The following PTGFR variants were observed in gnomAD, a reference collection of about 807,000 sequenced individuals.
The protein encoded by PTGFR is prostaglandin F2-alpha receptor.
In PTGFR, 15 loss-of-function variants were observed where a neutral mutation model predicts 26.2. The ratio of observed to expected loss-of-function variants is 0.57; its 90% CI spans 0.38 to 0.88. The LOEUF (loss-of-function observed/expected upper bound fraction) is 0.88, where lower values mean the gene tolerates loss of function less well. Among genes scored for constraint, PTGFR ranks in the 40% least tolerant of loss-of-function variants. The pLI is 0.00. For synonymous variants in PTGFR, 165 were observed against 151.1 expected, an observed-to-expected ratio of 1.09 and a Z score of -0.68; for missense variants, 369 against 427.2, an observed-to-expected ratio of 0.86 and a Z score of 1.20.
chr1:78,517,870 A>C (rs960140529), intron 2 of PTGFR, among the ~76,000 whole-genome samples: 1 of 152,194 alleles, frequency 6.6e-6, no homozygotes, highest in Non-Finnish European at 1.5e-5. Flanking sequence ...TATAGCAGAA[A>C]GTTTTATTTC....
chr1:78,502,860 A>AAGAG (rs942257460), intron 2 of PTGFR, among the ~76,000 whole-genome samples: 100 of 152,294 alleles, frequency 6.6e-4, no homozygotes, highest in African/African-American at 2.4e-3. Context: ...ATAAGATAAA[A>AAGAG]AGAGAAGAGA....
rs116084204 is a variant in PTGFR, at chr1:78,517,597, G to C, written c.799-18809G>C. On this transcript the variant is annotated intron_variant, in intron 2 of 2. Coordinates refer to ENST00000370757, the MANE Select transcript of PTGFR (RefSeq NM_000959.4). ...AATCCAGCACAAAAACCCAATAGCAGGGATGAGCTTCTTGTGATGAGGAAC... is the reference window on the plus strand; with the variant it reads ...AATCCAGCACAAAAACCCAATAGCACGGATGAGCTTCTTGTGATGAGGAAC... Among the ~76,000 whole-genome samples the C allele has an allele frequency of 2.9e-3, 448 of 152,232 alleles. 3 individuals carry two copies. The highest frequency in any genetic ancestry group is 0.011 in the African/African-American group (438 of 41,550).
At chr1:78,517,794 T>C (rs1204319284) in intron 2 of PTGFR, among the ~76,000 whole-genome samples, 2 of 152,174 alleles carry the variant, frequency 1.3e-5, no homozygotes, top group African/African-American at 4.8e-5. Flanking sequence ...AAAGGTGTGA[T>C]CTAATGCATG....
chr1:78,491,655 G>T (rs139095277), intron 1 of PTGFR, among the ~76,000 whole-genome samples: 2 of 152,348 alleles, frequency 1.3e-5, no homozygotes, highest in Non-Finnish European at 2.9e-5. Context: ...ATGTTGCGAG[G>T]CCAGGCCGAA....
chr1:78,526,795 G>C (rs959518672), intron 2 of PTGFR, among the ~76,000 whole-genome samples: 4 of 152,022 alleles, frequency 2.6e-5, no homozygotes, highest in African/African-American at 9.7e-5. Flanking sequence ...CCAATAGTGA[G>C]TCAAGGAGCC....
At chr1:78,492,190 T>C (rs921298974) in intron 1 of PTGFR, among the ~76,000 whole-genome samples, 1 of 152,140 alleles carries the variant, frequency 6.6e-6, no homozygotes, top group Non-Finnish European at 1.5e-5. Context: ...CTTCCAAAGT[T>C]TGGAGATAGT....
At chr1:78,523,646 T>A (rs1339438227) in intron 2 of PTGFR, among the ~76,000 whole-genome samples, 1 of 152,142 alleles carries the variant, frequency 6.6e-6, no homozygotes, top group Non-Finnish European at 1.5e-5. Context: ...TTGGTAAGGA[T>A]TATTAACACT....
At chr1:78,510,149 C>A (rs1429118409) in intron 2 of PTGFR, among the ~76,000 whole-genome samples, 2 of 152,158 alleles carry the variant, frequency 1.3e-5, no homozygotes. Flanking sequence ...TCCTGAGGGA[C>A]TTCTCTGCTA....
rs1649455323 is a variant in PTGFR at position 78,493,117 on chromosome 1, T to A, written c.374T>A (p.Leu125Gln). The change falls in exon 2 of 3, where the codon CTA (leucine) becomes CAA (glutamine). Residue 125 changes from leucine (L) to glutamine (Q), a missense_variant. Transcript: ENST00000370757. ...MVFSGLCPLL[L>Q]GSVMAIERCI... Reference sequence around the variant, plus strand: ...TTTTCTGGTCTGTGCCCACTTCTTCTAGGCAGTGTGATGGCCATTGAGCGG... The same window carrying A: ...TTTTCTGGTCTGTGCCCACTTCTTCAAGGCAGTGTGATGGCCATTGAGCGG... 1 of 1,614,130 alleles carries A rather than the reference T, an allele frequency of 6.2e-7. No individual in the cohort carries two copies.
intron 2 of PTGFR, among the ~76,000 whole-genome samples, chr1:78,513,272 C>T (rs1650015507): frequency 6.6e-6 from 1 of 151,520 alleles, no homozygotes; most frequent in South Asian, 2.1e-4. Context: ...ATGGTTGTGA[C>T]CAAAATGCTG....
chr1:78,536,024 G>T (rs1650643149), intron 2 of PTGFR, among the ~76,000 whole-genome samples: 1 of 152,038 alleles, frequency 6.6e-6, no homozygotes, highest in African/African-American at 2.4e-5. Context: ...CTATTTGTTA[G>T]CTTATCTATA....
At chr1:78,515,451 T>C (rs1381903191) in intron 2 of PTGFR, among the ~76,000 whole-genome samples, 3 of 152,220 alleles carry the variant, frequency 2.0e-5, no homozygotes, top group Non-Finnish European at 2.9e-5. Context: ...AAGTCCAATA[T>C]TTTGTAAATG....
chr1:78,536,534 G>T lies in PTGFR; in HGVS notation c.927G>T (p.Lys309Asn). ...CTTGGGTATATATTCTTCTACGAAA[G>T]GCTGTCCTTAAGAATCTCTATAAGC... is the stretch of plus-strand genomic sequence containing the variant. The part of the protein sequence containing the change: ...LDPWVYILLR[K>N]AVLKNLYKLA... The change falls in exon 3 of 3, where the codon AAG (lysine) becomes AAT (asparagine). Residue 309 changes from lysine to asparagine, a missense_variant. Transcript: ENST00000370757. 6.2e-7 allele frequency: 1 copy of T among 1,613,370 alleles called. No individual in the cohort carries two copies. The highest frequency in any genetic ancestry group is 8.5e-7 in the Non-Finnish European group (1 of 1,179,520).
chr1:78,536,846 A>G lies in PTGFR; in HGVS notation c.*159A>G. ...AGATTCAGGTTTTGAAATTTGTCAA[A>G]TAAACAGGATAACTGTACATTTTTC... On this transcript the variant is annotated 3_prime_UTR_variant, in exon 3 of 3. Transcript: ENST00000370757. The G allele has an allele frequency of 1.2e-6, 1 of 829,002 alleles. No homozygotes were observed. 51.4% of individuals were successfully genotyped at this position (829,002 alleles called of 1,614,324 possible).
chr1:78,492,953 C>T lies in PTGFR; in HGVS notation c.210C>T (p.Ala70=), dbSNP rs1649449542. 6.2e-7 allele frequency: 1 copy of T among 1,614,230 alleles called. No individual in the cohort carries two copies. Among genetic ancestry groups the T allele is most frequent in the Non-Finnish European group, 8.5e-7 (1 of 1,180,042 alleles). The part of the protein sequence containing the change: ...QKSKASFLLL[A]SGLVITDFFG... ...CCAAGGCATCGTTTCTGCTTTTGGC[C>T]AGTGGCCTGGTAATCACTGATTTCT... Residue 70 remains alanine, a synonymous_variant, in exon 2 of 3, where the codon GCC becomes GCT. Coordinates refer to ENST00000370757, the MANE Select transcript of PTGFR (RefSeq NM_000959.4).
chr1:78,511,999 A>C (rs1448993636), intron 2 of PTGFR, among the ~76,000 whole-genome samples: 1 of 152,202 alleles, frequency 6.6e-6, no homozygotes, highest in Non-Finnish European at 1.5e-5. Flanking sequence ...AGGGGGTAAA[A>C]TGGGTGACCT....
At chr1:78,491,519 G>C (rs1015767925) in intron 1 of PTGFR, among the ~76,000 whole-genome samples, 1 of 152,214 alleles carries the variant, frequency 6.6e-6, no homozygotes, top group Non-Finnish European at 1.5e-5. Flanking sequence ...GGTTCCCTGC[G>C]GGCGGCACTG....
chr1:78,491,288 C>T (rs979147884), intron 1 of PTGFR, 52 bp downstream of exon 1: 1 of 152,406 alleles, frequency 6.6e-6, no homozygotes, highest in Non-Finnish European at 1.5e-5. Context: ...CTTATCTAGA[C>T]CCAGATTTAA....
rs1650681197 is a variant in PTGFR at position 78,537,324 on chromosome 1, T to C, written c.*637T>C. On this transcript the variant is annotated 3_prime_UTR_variant, in exon 3 of 3. Coordinates refer to ENST00000370757, the MANE Select transcript of PTGFR (RefSeq NM_000959.4). Reference sequence around the variant, plus strand: ...ATAGGACTGCCTACATTTATTATTATGAAGGTCGATTGTTGTTGGAAGTGT... The same window carrying C: ...ATAGGACTGCCTACATTTATTATTACGAAGGTCGATTGTTGTTGGAAGTGT... 1 of 152,150 alleles carries C rather than the reference T, an allele frequency of 6.6e-6. No homozygotes were observed. Among genetic ancestry groups the C allele is most frequent in the South Asian group, 2.1e-4 (1 of 4,830 alleles). The allele number at this position is 152,150 out of a possible 1,614,324, so 9.4% of individuals were successfully genotyped here. A position where few individuals can be genotyped will look rare whatever the true frequency, so the allele number is the denominator to read the frequency against.
Sources: gnomAD v4.1 joint callset for allele counts (sites outside exome capture counted in the v4.1 genomes callset) on GRCh38, gnomAD v4.1.1 for gene constraint, MANE v1.5 for transcripts, NCBI Gene and HGNC (gene_info 2026-07-23, HGNC 2026-07-21) for gene names.